Variants in POC1A observed in about 807,000 individuals in gnomAD.
POC1A encodes POC1 centriolar protein homolog A.
POC1A carries 34 observed loss-of-function variants against 47.8 expected under a neutral mutation model. The ratio of observed to expected loss-of-function variants is 0.71; its 90% CI spans 0.54 to 0.95. The LOEUF is 0.95. Among genes scored for constraint, POC1A ranks in the 40% least tolerant of loss-of-function variants. The probability of loss-of-function intolerance (pLI) is 0.00; values close to 1 mark genes in which losing one functional copy is unlikely to be tolerated. For synonymous variants in POC1A, 177 were observed against 207.6 expected (o/e 0.85, Z 1.27); for missense variants, 466 against 528.3 (o/e 0.88, Z 1.16).
chr3:52,098,913 G>C (rs187645245), intron 9 of POC1A, among the ~76,000 whole-genome samples: 1 of 152,196 alleles, frequency 6.6e-6, no homozygotes, highest in East Asian at 1.9e-4. Flanking sequence ...TGGACCCTTG[G>C]GCTCAAAGAG....
intron 10 of POC1A, 87 bp from the exon 11 acceptor site, chr3:52,076,072 C>A: frequency 5.2e-6 from 5 of 966,362 alleles, no homozygotes; most frequent in African/African-American, 1.6e-5. Flanking sequence ...CACTTGGCTG[C>A]CTCAGCCACT....
chr3:52,083,702 G>A (rs990864057), intron 10 of POC1A, among the ~76,000 whole-genome samples: 2 of 152,178 alleles, frequency 1.3e-5, no homozygotes, highest in African/African-American at 2.4e-5. Flanking sequence ...TGTGTGTCTG[G>A]CCACCTGGGA....
chr3:52,119,784 T>C (rs1703702244), intron 9 of POC1A, among the ~76,000 whole-genome samples: 1 of 152,122 alleles, frequency 6.6e-6, no homozygotes, highest in Admixed American at 6.5e-5. Context: ...AGGATGCTGC[T>C]AAATATCCCA....
intron 3 of POC1A, 104 bp from the exon 4 acceptor site, chr3:52,149,493 A>T: frequency 9.2e-7 from 1 of 1,089,834 alleles, no homozygotes; most frequent in Admixed American, 2.0e-5. Context: ...TCCCAAAGTC[A>T]GTCAAGCCCG....
chr3:52,149,554 A>G (rs1467753631), intron 3 of POC1A, among the ~76,000 whole-genome samples, 165 bp from the exon 4 acceptor site: 2 of 152,174 alleles, frequency 1.3e-5, no homozygotes, highest in Non-Finnish European at 2.9e-5. Context: ...ATATGAACAG[A>G]GCACCATCTC....
At chr3:52,128,385 C>T (rs540686449) in intron 7 of POC1A, among the ~76,000 whole-genome samples, 27 of 152,198 alleles carry the variant, frequency 1.8e-4, no homozygotes, top group Non-Finnish European at 3.1e-4. Flanking sequence ...GAAGTGCTAG[C>T]GCTCCTTTAC....
chr3:52,134,870 C>T (rs900655821), intron 7 of POC1A, among the ~76,000 whole-genome samples: 1 of 152,036 alleles, frequency 6.6e-6, no homozygotes, highest in Non-Finnish European at 1.5e-5. Context: ...CCCCAGGCAC[C>T]CAAGACCCAC....
chr3:52,149,116 T>C, intron 4 of POC1A, 94 bp downstream of exon 4: 1 of 1,020,252 alleles, frequency 9.8e-7, no homozygotes, highest in Non-Finnish European at 1.5e-6. Flanking sequence ...CCTAAGTAAC[T>C]TGCCCGAGGT....
intron 9 of POC1A, among the ~76,000 whole-genome samples, chr3:52,103,331 A>G (rs1320674594): frequency 6.6e-6 from 1 of 152,238 alleles, no homozygotes; most frequent in Non-Finnish European, 1.5e-5. Context: ...GTTTGAGACC[A>G]GCCTGGCCAA....
At chr3:52,087,659 A>C (rs2106945027) in intron 10 of POC1A, among the ~76,000 whole-genome samples, 2 of 152,278 alleles carry the variant, frequency 1.3e-5, no homozygotes. Context: ...ATGGCTTAAA[A>C]ACAACTCCTT....
At chr3:52,140,282 C>T (rs938985434) in intron 6 of POC1A, among the ~76,000 whole-genome samples, 7 of 152,168 alleles carry the variant, frequency 4.6e-5, no homozygotes, top group East Asian at 1.9e-4. Flanking sequence ...ACCCTCCAAG[C>T]GCCAGGATCT....
At chr3:52,101,976 G>A (rs1278653706) in intron 9 of POC1A, among the ~76,000 whole-genome samples, 3 of 152,166 alleles carry the variant, frequency 2.0e-5, no homozygotes, top group South Asian at 2.1e-4. Flanking sequence ...ATAGTTTCAC[G>A]AGAATTCTTC....
In POC1A at chr3:52,154,416, G is replaced by A; in HGVS notation, c.-44C>T. ...GAAGGCAGCTGCGGTGGCCGTTGCG[G>A]CCCGTTCAGTTTCCGCGCCCCCAAC... On this transcript the variant is annotated 5_prime_UTR_variant, in exon 1 of 11. Coordinates refer to ENST00000296484, the MANE Select transcript of POC1A (RefSeq NM_015426.5). The A allele has an allele frequency of 7.1e-7, 1 of 1,411,256 alleles. No individual in the cohort carries two copies. Among genetic ancestry groups the A allele is most frequent in the Non-Finnish European group, 9.2e-7 (1 of 1,087,070 alleles). The allele number at this position is 1,411,256 out of a possible 1,614,324, so 87.4% of individuals were successfully genotyped here.
rs1205229281 is a variant in POC1A at position 52,075,683 on chromosome 3, G to A, written c.*204C>T. 5 of 505,870 alleles carry A rather than the reference G, an allele frequency of 9.9e-6. No homozygotes were observed. Among genetic ancestry groups the A allele is most frequent in the South Asian group, 4.5e-5 (2 of 44,076 alleles). The allele number at this position is 505,870 out of a possible 1,614,324, so 31.3% of individuals were successfully genotyped here. On this transcript the variant is annotated 3_prime_UTR_variant, in exon 11 of 11. Coordinates refer to ENST00000296484, the MANE Select transcript of POC1A (RefSeq NM_015426.5). ...TGAAGCATCATTTGTGTGTGAGCCC[G>A]GCCCACTGGGGACCTCTGGCTGCCA...
chr3:52,075,934 G>A lies in POC1A; in HGVS notation c.1177C>T (p.Gln393Ter). 1 of 1,614,018 alleles carries A rather than the reference G, an allele frequency of 6.2e-7. No individual in the cohort carries two copies. Among genetic ancestry groups the A allele is most frequent in the Non-Finnish European group, 8.5e-7 (1 of 1,179,894 alleles). The change falls in exon 11 of 11, where the codon CAG becomes TAG. Residue 393 changes from glutamine to a stop codon, truncating the protein, a stop_gained. Transcript: ENST00000296484. LOFTEE classifies it high-confidence loss of function. ...ATTAGCTGCTGGTTCTCCAGACACT[G>A]CTTCAGCTTGTCTTCTGTCAGTGTC... is the stretch of plus-strand genomic sequence containing the variant. ...RLTLTEDKLK[Q>*]CLENQQLIMQ...
chr3:52,093,973 G>A (rs775635918), intron 10 of POC1A, among the ~76,000 whole-genome samples: 3 of 152,178 alleles, frequency 2.0e-5, no homozygotes, highest in Non-Finnish European at 4.4e-5. Flanking sequence ...CCCTGGCTAC[G>A]GCCCGCTGCA....
intron 7 of POC1A, among the ~76,000 whole-genome samples, chr3:52,134,800 CA>C (rs570817861): frequency 0.028 from 3,100 of 110,478 alleles, 50 homozygotes; most frequent in South Asian, 0.068. Context: ...CACCTGGACT[CA>C]AAAAAAAAAA....
chr3:52,107,140 GC>G (rs1430438867), intron 9 of POC1A, among the ~76,000 whole-genome samples: 2 of 152,262 alleles, frequency 1.3e-5, no homozygotes, highest in Non-Finnish European at 2.9e-5. Context: ...GCAAGAACAT[GC>G]CTTGGCATGT....
chr3:52,130,165 C>CT (rs1472813917), intron 7 of POC1A, among the ~76,000 whole-genome samples: 3 of 152,322 alleles, frequency 2.0e-5, no homozygotes, highest in South Asian at 4.1e-4. Context: ...TTTGTGTTGA[C>CT]TCTCATATGC....
Sources: gnomAD v4.1 joint callset for allele counts (sites outside exome capture counted in the v4.1 genomes callset) on GRCh38, gnomAD v4.1.1 for gene constraint, MANE v1.5 for transcripts, NCBI Gene and HGNC (gene_info 2026-07-23, HGNC 2026-07-21) for gene names.